Variants in TRPM1 observed in about 807,000 individuals in gnomAD.
TRPM1 encodes transient receptor potential cation channel subfamily M member 1.
A neutral mutation model predicts 149.4 loss-of-function variants in TRPM1; 113 were observed. That is an observed-to-expected ratio of 0.76 (90% CI 0.65 to 0.88). TRPM1 has a LOEUF of 0.88. Ranked by LOEUF, TRPM1 falls within the 40% of genes least tolerant of loss-of-function variation. The probability of loss-of-function intolerance (pLI) is 0.00; values close to 1 mark genes in which losing one functional copy is unlikely to be tolerated. For synonymous variants in TRPM1, 741 were observed against 759.5 expected, an observed-to-expected ratio of 0.98 and a Z score of 0.40; for missense variants, 1,976 against 2,038.7, an observed-to-expected ratio of 0.97 and a Z score of 0.59.
intron 27 of TRPM1, 57 bp from the exon 28 acceptor site, chr15:31,003,127 C>A: frequency 6.8e-7 from 1 of 1,470,054 alleles, no homozygotes; most frequent in South Asian, 1.2e-5. Context: ...TATTAAAAAT[C>A]AAAAGATAAT....
At chr15:31,076,112 T>A (rs569252737) in intron 3 of TRPM1, among the ~76,000 whole-genome samples, 23 of 137,042 alleles carry the variant, frequency 1.7e-4, no homozygotes, top group Non-Finnish European at 1.8e-4. Context: ...TGTTTCATAA[T>A]GGCATTTCTT....
chr15:31,024,174 G>A (rs965754422), intron 27 of TRPM1, among the ~76,000 whole-genome samples: 7 of 152,128 alleles, frequency 4.6e-5, no homozygotes. Context: ...ACCGAGAGAA[G>A]AGCAGGAAAA....
intron 2 of TRPM1, among the ~76,000 whole-genome samples, chr15:31,080,736 C>T (rs1272560092): frequency 6.7e-6 from 1 of 149,938 alleles, no homozygotes; most frequent in Admixed American, 6.7e-5. Flanking sequence ...CAGCCCCGCT[C>T]CCTCTCATAG....
chr15:31,144,038 A>G (rs2036192622), intron 1 of TRPM1, among the ~76,000 whole-genome samples: 1 of 152,216 alleles, frequency 6.6e-6, no homozygotes, highest in South Asian at 2.1e-4. Flanking sequence ...TCCGAGCCTT[A>G]CAGTGAGTAA....
At chr15:31,062,336 G>T (rs548710027) in intron 9 of TRPM1, among the ~76,000 whole-genome samples, 22 of 152,216 alleles carry the variant, frequency 1.4e-4, no homozygotes, top group Non-Finnish European at 2.9e-4. Context: ...GCCTCAGAGG[G>T]TGTTGTGTGG....
rs180878088 is a variant in TRPM1 at position 31,076,958 on chromosome 15, G to A, written c.30C>T (p.Thr10=). 4.0e-4 allele frequency: 637 copies of A among 1,612,482 alleles called. No homozygotes were observed. Among genetic ancestry groups the A allele is most frequent in the Non-Finnish European group, 5.2e-4 (609 of 1,178,574 alleles). Residue 10 remains threonine, a synonymous_variant, in exon 3 of 28, where the codon ACC becomes ACT. Coordinates refer to ENST00000256552, the MANE Select transcript of TRPM1 (RefSeq NM_001252024.2). The part of the protein sequence containing the change: MGQKSWIEK[T]FCKRECIFVI... ...CAAAGATACATTCCCGTTTGCAAAA[G>A]GTTTTCTCTATCCAAGATTTCTGAC...
At chr15:31,091,172 G>A (rs1303386137) in intron 1 of TRPM1, among the ~76,000 whole-genome samples, 1 of 152,160 alleles carries the variant, frequency 6.6e-6, no homozygotes, top group Non-Finnish European at 1.5e-5. Context: ...GAAGCAGCAG[G>A]CCAGTGGGAT....
intron 1 of TRPM1, among the ~76,000 whole-genome samples, chr15:31,101,276 G>A (rs549221561): frequency 7.2e-5 from 11 of 152,354 alleles, no homozygotes; most frequent in African/African-American, 2.2e-4. Context: ...CTGGCCCTGA[G>A]GGAAGCTCAG....
chr15:31,064,796 A>T (rs936127419), intron 7 of TRPM1, among the ~76,000 whole-genome samples: 6 of 152,142 alleles, frequency 3.9e-5, no homozygotes, highest in South Asian at 2.1e-4. Context: ...TGTCCACCAG[A>T]GTAATTACAG....
intron 1 of TRPM1, among the ~76,000 whole-genome samples, chr15:31,117,201 T>C (rs1272738067): frequency 1.3e-5 from 2 of 152,012 alleles, no homozygotes; most frequent in African/African-American, 4.8e-5. Flanking sequence ...AATACAAAAA[T>C]TAGGCCGGGC....
At chr15:31,143,585 G>A (rs1420524285) in intron 1 of TRPM1, among the ~76,000 whole-genome samples, 1 of 152,002 alleles carries the variant, frequency 6.6e-6, no homozygotes, top group African/African-American at 2.4e-5. Context: ...GCTAATTTTT[G>A]TATTTTTAGT....
intron 4 of TRPM1, among the ~76,000 whole-genome samples, 199 bp from the exon 5 acceptor site, chr15:31,068,291 A>G (rs1735647965): frequency 6.6e-6 from 1 of 152,212 alleles, no homozygotes; most frequent in African/African-American, 2.4e-5. Flanking sequence ...GCAAATACAA[A>G]TAAAAGATGC....
chr15:31,113,700 T>C (rs1468400484), intron 1 of TRPM1, among the ~76,000 whole-genome samples: 1 of 152,054 alleles, frequency 6.6e-6, no homozygotes, highest in Non-Finnish European at 1.5e-5. Context: ...TGCCCATAGT[T>C]AGTTCATTCC....
chr15:31,077,042 T>C (rs766257783), intron 2 of TRPM1, 58 bp from the exon 3 acceptor site: 4 of 1,141,688 alleles, frequency 3.5e-6, no homozygotes, highest in Non-Finnish European at 4.0e-6. Context: ...ATCATCAGAG[T>C]CCATTCTTAT....
chr15:31,065,638 A>C (rs910930278), intron 7 of TRPM1, among the ~76,000 whole-genome samples: 1 of 152,140 alleles, frequency 6.6e-6, no homozygotes, highest in Non-Finnish European at 1.5e-5. Context: ...ATATGTCCCC[A>C]CCTGGCCATC....
chr15:31,056,453 G>A (rs2034090292), intron 11 of TRPM1, among the ~76,000 whole-genome samples: 1 of 152,322 alleles, frequency 6.6e-6, no homozygotes, highest in Non-Finnish European at 1.5e-5. Context: ...AAAGCAAAGA[G>A]CAGAGAGAAA....
At position 31,038,046 on chromosome 15, in the gene TRPM1, T is replaced by C. The variant is rs752591203; in HGVS notation, c.2437A>G (p.Thr813Ala). The C allele has an allele frequency of 6.2e-7, 1 of 1,614,226 alleles. No homozygotes were observed. The highest frequency in any genetic ancestry group is 8.5e-7 in the Non-Finnish European group (1 of 1,180,032). ...TTAGGGTCAAGTGTGTCACTGACCG[T>C]ATTTTCCTCTTCTTTTTCTTTGCCA... The part of the protein sequence containing the change: ...EDGKEKEEEN[T>A]DANADAGSRK... The change falls in exon 19 of 28, where the codon ACG becomes GCG. Residue 813 changes from threonine (T) to alanine (A), a missense_variant and splice_region_variant. By Grantham distance (58) the Thr-to-Ala change is moderately conservative. Transcript: ENST00000256552.
At chr15:31,139,169 A>G (rs182854589) in intron 1 of TRPM1, among the ~76,000 whole-genome samples, 129 of 152,360 alleles carry the variant, frequency 8.5e-4, no homozygotes, top group Non-Finnish European at 9.0e-4. Flanking sequence ...TTCTGGGGCC[A>G]TAACTCTTGT....
rs572015011 is a variant in TRPM1 at position 31,108,151 on chromosome 15, C to T, written c.55-31167G>A. Among the ~76,000 whole-genome samples the T allele has an allele frequency of 7.0e-5, 7 of 100,654 alleles. No individual in the cohort carries two copies. In the South Asian group the frequency reaches 1.7e-3, roughly 24 times the overall value. 66.0% of individuals were successfully genotyped at this position (100,654 alleles called of 152,430 possible). A position where few individuals can be genotyped will look rare whatever the true frequency, so the allele number is the denominator to read the frequency against. On this transcript the variant is annotated intron_variant, in intron 1 of 26. Coordinates refer to the TRPM1 transcript ENST00000542188. The stretch of plus-strand genomic sequence containing the variant: ...GGGTTTACAGGCGTGAGCCACCACG[C>T]CTGTCCAATTTTTTTTTCTATTATT...
Sources: gnomAD v4.1 joint callset for allele counts (sites outside exome capture counted in the v4.1 genomes callset) on GRCh38, gnomAD v4.1.1 for gene constraint, MANE v1.5 for transcripts, NCBI Gene and HGNC (gene_info 2026-07-23, HGNC 2026-07-21) for gene names.